ATRNL1: variants seen among roughly 807,000 people sequenced by gnomAD.
The protein encoded by ATRNL1 is attractin-like protein 1.
In ATRNL1, 95 loss-of-function variants were observed where a neutral mutation model predicts 182.7. The ratio of observed to expected loss-of-function variants is 0.52; its 90% CI spans 0.44 to 0.62. The LOEUF is 0.62. ATRNL1 is among the 20% of genes least tolerant of loss of function. ATRNL1 has a pLI of 0.00. For missense variants in ATRNL1, 1,471 were observed against 1,679.5 expected, an observed-to-expected ratio of 0.88 and a Z score of 2.17; for synonymous variants, 576 against 568.3, an observed-to-expected ratio of 1.01 and a Z score of -0.19.
intron 10 of ATRNL1, among the ~76,000 whole-genome samples, chr10:115,255,210 A>G (rs989274618): frequency 1.5e-4 from 23 of 152,178 alleles, no homozygotes; most frequent in South Asian, 2.1e-4. Flanking sequence ...CATTGAATCT[A>G]TAAATTACCT....
At chr10:115,386,683 C>CT (rs1858372298) in intron 19 of ATRNL1, among the ~76,000 whole-genome samples, 2 of 151,286 alleles carry the variant, frequency 1.3e-5, no homozygotes, top group African/African-American at 4.9e-5. Context: ...TATTATTATA[C>CT]TTTAAGTTTT....
intron 9 of ATRNL1, among the ~76,000 whole-genome samples, chr10:115,231,645 C>T (rs1554900038): frequency 6.6e-6 from 1 of 151,922 alleles, no homozygotes; most frequent in African/African-American, 2.4e-5. Context: ...CTCAAGAAAA[C>T]AAGTAGCAAT....
At chr10:115,171,714 T>G (rs1358409924) in intron 8 of ATRNL1, among the ~76,000 whole-genome samples, 1 of 152,010 alleles carries the variant, frequency 6.6e-6, no homozygotes, top group East Asian at 1.9e-4. Flanking sequence ...TATGTATTAC[T>G]TCTTTAAAGT....
At position 115,948,572 on chromosome 10, in the gene ATRNL1, C is replaced by T. The variant is rs1454298265; in HGVS notation, c.*3793C>T. 1 of 152,160 alleles carries T rather than the reference C, an allele frequency of 6.6e-6. No individual in the cohort carries two copies. Among genetic ancestry groups the T allele is most frequent in the African/African-American group, 2.4e-5 (1 of 41,440 alleles). The allele number at this position is 152,160 out of a possible 1,614,324, so 9.4% of individuals were successfully genotyped here. A position where few individuals can be genotyped will look rare whatever the true frequency, so the allele number is the denominator to read the frequency against. ...AAACACTGGGGTAGGCCCTGGAGAG[C>T]AGTACTCTTAACAAGCTCCTCAGTG... On this transcript the variant is annotated 3_prime_UTR_variant, in exon 29 of 29. Transcript: ENST00000355044.
At position 115,922,592 on chromosome 10, in the gene ATRNL1, A is replaced by G. The variant is rs533244891; in HGVS notation, c.4019-22066A>G. Among the ~76,000 whole-genome samples, 5 of 152,192 alleles carry G rather than the reference A, an allele frequency of 3.3e-5. No individual in the cohort carries two copies. The South Asian group carries it at 1.0e-3, about 32-fold the overall frequency. On this transcript the variant is annotated intron_variant, in intron 28 of 28. Transcript: ENST00000355044. The stretch of plus-strand genomic sequence containing the variant: ...GTGATCCTCTCACCTTGGACTCCCA[A>G]AGTGTTGGGATTACAGGCATGAATC...
intron 9 of ATRNL1, among the ~76,000 whole-genome samples, chr10:115,229,927 T>C (rs1554899583): frequency 6.6e-6 from 1 of 152,188 alleles, no homozygotes; most frequent in African/African-American, 2.4e-5. Flanking sequence ...TGCCTACCTG[T>C]GCTAAGAAAG....
Position 115,093,831 on chromosome 10 carries a change from C to A in ATRNL1, c.81C>A (p.Gly27=). The A allele has an allele frequency of 6.6e-7, 1 of 1,509,002 alleles. No individual in the cohort carries two copies. The highest frequency in any genetic ancestry group is 8.8e-7 in the Non-Finnish European group (1 of 1,132,406). The allele number at this position is 1,509,002 out of a possible 1,614,324, so 93.5% of individuals were successfully genotyped here. The stretch of plus-strand genomic sequence containing the variant: ...TGTGGAGGGCTCGGCCGGCGGGCGG[C>A]GGCGGCGGGGGCGCCTCCTCCTGGC... ...PGVWRARPAG[G]GGGGASSWLL... is the part of the protein sequence containing the mutation. Residue 27 remains glycine (G), a synonymous_variant, in exon 1 of 29, where the codon GGC becomes GGA. Transcript: ENST00000355044. The surrounding 1 kb of genome is among the most constrained non-coding windows in gnomAD (Gnocchi z 6.1).
intron 25 of ATRNL1, among the ~76,000 whole-genome samples, chr10:115,529,283 C>T (rs1851423597): frequency 1.3e-5 from 2 of 151,832 alleles, no homozygotes; most frequent in Admixed American, 6.6e-5. Flanking sequence ...ACATTTTTAA[C>T]TTAAATATAG....
intron 26 of ATRNL1, among the ~76,000 whole-genome samples, chr10:115,600,616 A>AGG (rs1856540122): frequency 6.6e-6 from 1 of 152,114 alleles, no homozygotes; most frequent in Non-Finnish European, 1.5e-5. Context: ...CTTATATAAT[A>AGG]TGTTCTGGGT....
chr10:115,330,448 AT>A (rs1227624973), intron 18 of ATRNL1, among the ~76,000 whole-genome samples: 2 of 151,572 alleles, frequency 1.3e-5, no homozygotes, highest in Admixed American at 1.3e-4. Flanking sequence ...TCCTGAAAGT[AT>A]TTTTTTTGTA....
chr10:115,326,277 T>A (rs1854876072), intron 18 of ATRNL1, among the ~76,000 whole-genome samples: 1 of 152,070 alleles, frequency 6.6e-6, no homozygotes, highest in Non-Finnish European at 1.5e-5. Context: ...ACAAGCATTC[T>A]TATACACCAA....
chr10:115,684,977 A>T (rs1201187361), intron 26 of ATRNL1, among the ~76,000 whole-genome samples: 1 of 151,760 alleles, frequency 6.6e-6, no homozygotes, highest in East Asian at 1.9e-4. Flanking sequence ...TTTTCAACAT[A>T]TAAGAAGTAA....
intron 28 of ATRNL1, among the ~76,000 whole-genome samples, chr10:115,897,638 C>G (rs541253523): frequency 1.3e-5 from 2 of 152,252 alleles, no homozygotes; most frequent in Admixed American, 6.5e-5. Context: ...GACAGGCACT[C>G]TCGGCTCCAG....
At chr10:115,737,435 A>G (rs573851581) in intron 27 of ATRNL1, among the ~76,000 whole-genome samples, 163 of 141,212 alleles carry the variant, frequency 1.2e-3, no homozygotes, top group Admixed American at 4.6e-3. Context: ...GACCCTGTCT[A>G]AAAAAAAAAA....
intron 19 of ATRNL1, among the ~76,000 whole-genome samples, chr10:115,375,729 C>T (rs1554949342): frequency 1.3e-5 from 2 of 151,952 alleles, no homozygotes; most frequent in Non-Finnish European, 2.9e-5. Flanking sequence ...AAAAACTATG[C>T]TTTTTCACCT....
chr10:115,814,921 T>C (rs899832309), intron 27 of ATRNL1, among the ~76,000 whole-genome samples: 1 of 152,166 alleles, frequency 6.6e-6, no homozygotes, highest in Admixed American at 6.6e-5. Context: ...AGAATTACTA[T>C]GCTACCTAAA....
chr10:115,342,415 T>C (rs1204555783), intron 19 of ATRNL1, among the ~76,000 whole-genome samples: 1 of 151,958 alleles, frequency 6.6e-6, no homozygotes, highest in Non-Finnish European at 1.5e-5. Context: ...CCCATTATTT[T>C]AACCTAATAA....
At chr10:115,160,731 T>G (rs1312877717) in intron 6 of ATRNL1, among the ~76,000 whole-genome samples, 1 of 151,978 alleles carries the variant, frequency 6.6e-6, no homozygotes, top group Admixed American at 6.6e-5. Context: ...GGGAATCATA[T>G]GGATGGCAGC....
At chr10:115,943,926 G>A (rs1408166979) in intron 28 of ATRNL1, among the ~76,000 whole-genome samples, 6 of 152,110 alleles carry the variant, frequency 3.9e-5, no homozygotes, top group Non-Finnish European at 5.9e-5. Context: ...AGTGAAAGGA[G>A]ACCGTCTGAA....
Sources: gnomAD v4.1 joint callset for allele counts (sites outside exome capture counted in the v4.1 genomes callset) on GRCh38, gnomAD v4.1.1 for gene constraint, Gnocchi (gnomAD v3.1) non-coding constraint, MANE v1.5 for transcripts, NCBI Gene and HGNC (gene_info 2026-07-23, HGNC 2026-07-21) for gene names.